Variants in GRHL1 observed in about 807,000 individuals in gnomAD.
GRHL1 encodes the protein grainyhead-like protein 1 homolog.
A neutral mutation model predicts 75.7 loss-of-function variants in GRHL1; 38 were observed. The ratio of observed to expected loss-of-function variants is 0.50; its 90% CI spans 0.39 to 0.66. The LOEUF is 0.66. GRHL1 is among the 30% of genes least tolerant of loss of function. GRHL1 has a pLI of 0.00. For missense variants in GRHL1, 589 were observed against 767.5 expected (o/e 0.77, Z 2.75); for synonymous variants, 266 against 279.4 (o/e 0.95, Z 0.48).
At chr2:9,965,104 T>C (rs1667434432) in intron 7 of GRHL1, 183 bp from the exon 8 acceptor site, 3 of 529,138 alleles carry the variant, frequency 5.7e-6, no homozygotes, top group Admixed American at 3.4e-5. Context: ...AGCTTGCCTC[T>C]ATTACAAAAA....
chr2:9,955,536 C>T (rs1666976303), intron 2 of GRHL1, among the ~76,000 whole-genome samples: 1 of 152,160 alleles, frequency 6.6e-6, no homozygotes, highest in South Asian at 2.1e-4. Context: ...TAGGACTGTC[C>T]AGTTCCAAGA....
At position 9,961,386 on chromosome 2, in the gene GRHL1, C is replaced by G; in HGVS notation, c.619C>G (p.Arg207Gly). Residue 207 changes from arginine (R) to glycine (G), a missense_variant, in exon 4 of 16, where the codon CGA (arginine) becomes GGA (glycine). Coordinates refer to ENST00000324907, the MANE Select transcript of GRHL1 (RefSeq NM_198182.3). ...SGAQAPNAQR[R>G]TPDSTFSETF... ...TGCTCAAGCCCCAAATGCTCAAAGG[C>G]GAACTCCAGACTCGACCTTCTCAGA... is the stretch of plus-strand genomic sequence containing the variant. 6.2e-7 allele frequency: 1 copy of G among 1,614,018 alleles called. No individual in the cohort carries two copies. The highest frequency in any genetic ancestry group is 8.5e-7 in the Non-Finnish European group (1 of 1,179,914).
intron 8 of GRHL1, among the ~76,000 whole-genome samples, chr2:9,978,949 CCA>C (rs1191767651): frequency 2.6e-5 from 4 of 151,912 alleles, no homozygotes; most frequent in Non-Finnish European, 5.9e-5. Flanking sequence ...TGAGATCGCG[CCA>C]TTGCACTCCA....
At position 9,985,065 on chromosome 2, in the gene GRHL1, CAAAA is replaced by C. The variant is rs3032357; in HGVS notation, c.1111-1045_1111-1042del. 2.4e-5 allele frequency among the ~76,000 whole-genome samples: 3 copies of C among 122,514 alleles called. No individual in the cohort carries two copies. The East Asian group carries it at 7.6e-4, about 31-fold the overall frequency. The allele number at this position is 122,514 out of a possible 152,430, so 80.4% of individuals were successfully genotyped here. On this transcript the variant is annotated intron_variant, in intron 8 of 15. Coordinates refer to ENST00000324907, the MANE Select transcript of GRHL1 (RefSeq NM_198182.3). ...CCTGGGTGACAGAGCCAGACTGTCT[CAAAA>C]AAAAAAAAAAAAATTGCTCCTGTGG...
chr2:9,962,630 C>G (rs1667324797), intron 5 of GRHL1, 99 bp downstream of exon 5: 1 of 731,102 alleles, frequency 1.4e-6, no homozygotes, highest in Non-Finnish European at 2.5e-6. Context: ...AGCAGGCTTT[C>G]CCCTTATCTT....
chr2:10,000,818 C>A lies in GRHL1; in HGVS notation c.*111C>A. ...CCATGTCGCCAGCACAGGTCTATGT[C>A]GAGGGAATGGGTTCCTTGCAGGTTG... On this transcript the variant is annotated 3_prime_UTR_variant, in exon 16 of 16. Transcript: ENST00000324907. 2 of 601,516 alleles carry A rather than the reference C, an allele frequency of 3.3e-6. No individual in the cohort carries two copies. Among genetic ancestry groups the A allele is most frequent in the Admixed American group, 2.8e-5 (1 of 35,284 alleles). 37.3% of individuals were successfully genotyped at this position (601,516 alleles called of 1,614,324 possible). A position where few individuals can be genotyped will look rare whatever the true frequency, so the allele number is the denominator to read the frequency against.
At chr2:9,972,826 G>C (rs16867266) in intron 8 of GRHL1, among the ~76,000 whole-genome samples, 1 of 152,096 alleles carries the variant, frequency 6.6e-6, no homozygotes, top group African/African-American at 2.4e-5. Context: ...CCTGCTTACA[G>C]GACCGTGACA....
chr2:9,999,100 C>A (rs997805114), intron 15 of GRHL1, 71 bp downstream of exon 15: 28 of 662,422 alleles, frequency 4.2e-5, no homozygotes, highest in Non-Finnish European at 6.8e-5. Context: ...GTGACGCACC[C>A]CCCAGTGCTG....
chr2:9,956,569 C>T (rs1572331021), intron 2 of GRHL1, among the ~76,000 whole-genome samples: 2 of 151,864 alleles, frequency 1.3e-5, no homozygotes, highest in Non-Finnish European at 1.5e-5. Context: ...TGAGGCCATG[C>T]GTCTAACTAA....
chr2:9,965,535 C>T, intron 8 of GRHL1, 154 bp downstream of exon 8: 2 of 590,140 alleles, frequency 3.4e-6, no homozygotes, highest in Non-Finnish European at 6.0e-6. Context: ...TTCTCCCCTC[C>T]TCCAAAACAG....
intron 8 of GRHL1, among the ~76,000 whole-genome samples, chr2:9,973,730 A>G (rs1236483122): frequency 6.6e-6 from 1 of 152,224 alleles, no homozygotes; most frequent in Non-Finnish European, 1.5e-5. Context: ...TAGGGTTTCT[A>G]CATTCAATTT....
intron 2 of GRHL1, among the ~76,000 whole-genome samples, chr2:9,956,071 T>C (rs768121320): frequency 2.0e-5 from 3 of 152,278 alleles, no homozygotes; most frequent in African/African-American, 7.2e-5. Context: ...AATGACAGTG[T>C]CTTCTCATGA....
intron 8 of GRHL1, among the ~76,000 whole-genome samples, chr2:9,984,317 C>T (rs1285935470): frequency 6.6e-6 from 1 of 151,656 alleles, no homozygotes; most frequent in Non-Finnish European, 1.5e-5. Flanking sequence ...CCCCTGTCAG[C>T]TCACGGGGTT....
chr2:9,956,718 A>G (rs770799197), intron 2 of GRHL1, among the ~76,000 whole-genome samples: 2 of 152,216 alleles, frequency 1.3e-5, no homozygotes, highest in African/African-American at 2.4e-5. Context: ...AAATTATTAT[A>G]TATCTGTTCT....
intron 4 of GRHL1, 25 bp downstream of exon 4, chr2:9,961,461 A>G: frequency 6.3e-7 from 1 of 1,577,686 alleles, no homozygotes; most frequent in Non-Finnish European, 8.6e-7. Context: ...ACATCTTCCT[A>G]AGACGCCTGC....
At chr2:9,995,818 C>T (rs772166975) in intron 12 of GRHL1, 61 bp from the exon 13 acceptor site, 6 of 932,140 alleles carry the variant, frequency 6.4e-6, no homozygotes, top group Non-Finnish European at 1.1e-5. Context: ...CTCTAAAACA[C>T]CTTAATGTTG....
At chr2:9,986,982 CTT>C (rs551747525) in intron 9 of GRHL1, among the ~76,000 whole-genome samples, 11 of 144,028 alleles carry the variant, frequency 7.6e-5, no homozygotes, top group Admixed American at 1.4e-4. Flanking sequence ...TGTAAAACAG[CTT>C]TTTTTTTTTT....
chr2:9,976,334 G>A (rs1186014900), intron 8 of GRHL1, among the ~76,000 whole-genome samples: 1 of 152,144 alleles, frequency 6.6e-6, no homozygotes, highest in African/African-American at 2.4e-5. Context: ...CTAAAGGATA[G>A]TGGGAACCAG....
At chr2:9,961,018 G>T (rs1421987760) in intron 3 of GRHL1, 28 bp from the exon 4 acceptor site, 3 of 1,509,842 alleles carry the variant, frequency 2.0e-6, no homozygotes. Flanking sequence ...TCAGCATCGC[G>T]TTTGAAAGCA....
Sources: gnomAD v4.1 joint callset for allele counts (sites outside exome capture counted in the v4.1 genomes callset) on GRCh38, gnomAD v4.1.1 for gene constraint, MANE v1.5 for transcripts, NCBI Gene and HGNC (gene_info 2026-07-23, HGNC 2026-07-21) for gene names.